The following BICD1 variants were observed in gnomAD, a reference collection of about 807,000 sequenced individuals.
BICD1 encodes the protein protein bicaudal D homolog 1.
Under a neutral mutation model 92.5 loss-of-function variants are expected in BICD1, and 35 were observed. That is an observed-to-expected ratio of 0.38 (90% CI 0.29 to 0.50). The LOEUF (loss-of-function observed/expected upper bound fraction) is 0.50, where lower values mean the gene tolerates loss of function less well. Among genes scored for constraint, BICD1 ranks in the 20% least tolerant of loss-of-function variants. The pLI, the probability that BICD1 is intolerant of heterozygous loss-of-function variation, is 0.93. For missense variants in BICD1, 950 were observed against 1,189.8 expected, an observed-to-expected ratio of 0.80 and a Z score of 2.97; for synonymous variants, 429 against 465.1, an observed-to-expected ratio of 0.92 and a Z score of 1.00.
chr12:32,289,415 C>A (rs1947665724), intron 2 of BICD1, among the ~76,000 whole-genome samples: 1 of 152,162 alleles, frequency 6.6e-6, no homozygotes, highest in South Asian at 2.1e-4. Context: ...TTAAGACAGT[C>A]TTGCTCTGTT....
In BICD1 at chr12:32,234,325, T is replaced by C. The variant is rs182204702; in HGVS notation, c.426+17866T>C. Among the ~76,000 whole-genome samples the C allele has an allele frequency of 2.5e-3, 381 of 152,254 alleles. 1 individual carries two copies. Among genetic ancestry groups the C allele is most frequent in the African/African-American group, 8.9e-3 (369 of 41,570 alleles). On this transcript the variant is annotated intron_variant, in intron 2 of 9. Transcript: ENST00000652176. ...TTAAAAAGCAAAATTAGGCAGGGCG[T>C]GGTGGCTCACGCCTGTAATCCCAGC...
At chr12:32,306,248 T>A in intron 4 of BICD1, 126 bp downstream of exon 4, 1 of 1,065,938 alleles carries the variant, frequency 9.4e-7, no homozygotes, top group Non-Finnish European at 1.3e-6. Flanking sequence ...TCTCTTTTCT[T>A]TTCTGTTCTT....
chr12:32,165,372 C>T (rs1423194745), intron 1 of BICD1, among the ~76,000 whole-genome samples: 1 of 152,014 alleles, frequency 6.6e-6, no homozygotes, highest in Non-Finnish European at 1.5e-5. Flanking sequence ...AAAAATTAGA[C>T]GGGCGTGGTG....
chr12:32,320,936 T>C (rs1948639483), intron 4 of BICD1, among the ~76,000 whole-genome samples: 1 of 152,202 alleles, frequency 6.6e-6, no homozygotes, highest in South Asian at 2.1e-4. Flanking sequence ...TTGGATAAAT[T>C]CTTTACAAAT....
chr12:32,164,145 T>C (rs1218220033), intron 1 of BICD1, among the ~76,000 whole-genome samples: 1 of 152,118 alleles, frequency 6.6e-6, no homozygotes, highest in African/African-American at 2.4e-5. Context: ...CAGCTATAAG[T>C]TGGAGGAGGA....
At position 32,225,810 on chromosome 12, in the gene BICD1, C is replaced by T. The variant is rs143973923; in HGVS notation, c.426+9351C>T. Among the ~76,000 whole-genome samples, 361 of 151,652 alleles carry T rather than the reference C, an allele frequency of 2.4e-3. 4 individuals are homozygous for T. Among genetic ancestry groups the T allele is most frequent in the Middle Eastern group, 0.017 (5 of 294 alleles). On this transcript the variant is annotated intron_variant, in intron 2 of 9. Coordinates refer to ENST00000652176, the MANE Select transcript of BICD1 (RefSeq NM_001714.4). ...TAATTTTTTGTATTTTTAGTAGAGA[C>T]GAGGTTTCGCCATGTTGACCAGGCT... is the stretch of plus-strand genomic sequence containing the variant.
At chr12:32,160,025 A>G (rs544105053) in intron 1 of BICD1, among the ~76,000 whole-genome samples, 1 of 113,568 alleles carries the variant, frequency 8.8e-6, no homozygotes, top group South Asian at 2.9e-4. Context: ...CAAATTTCTC[A>G]CCCACAAAAT....
At chr12:32,348,556 T>C (rs1938715435) in intron 8 of BICD1, among the ~76,000 whole-genome samples, 1 of 151,080 alleles carries the variant, frequency 6.6e-6, no homozygotes, top group Non-Finnish European at 1.5e-5. Flanking sequence ...AGTCCACCCA[T>C]ACATTGCTGA....
intron 1 of BICD1, among the ~76,000 whole-genome samples, chr12:32,208,796 C>T (rs12304056): frequency 0.036 from 5,472 of 152,122 alleles, 333 homozygotes; most frequent in African/African-American, 0.12. Flanking sequence ...TTCATCAGAT[C>T]ATTTGGGCTC....
intron 4 of BICD1, among the ~76,000 whole-genome samples, chr12:32,314,616 T>C (rs964973228): frequency 3.9e-5 from 6 of 152,234 alleles, no homozygotes; most frequent in African/African-American, 1.4e-4. Flanking sequence ...CTGGGTTGTC[T>C]TTTTATTTCT....
chr12:32,201,000 C>T (rs1355773212), intron 1 of BICD1, among the ~76,000 whole-genome samples: 2 of 152,174 alleles, frequency 1.3e-5, no homozygotes, highest in African/African-American at 4.8e-5. Flanking sequence ...TTAAGAAAGT[C>T]GAGGTCATGT....
At chr12:32,125,670 T>C (rs1942301235) in intron 1 of BICD1, among the ~76,000 whole-genome samples, 1 of 152,098 alleles carries the variant, frequency 6.6e-6, no homozygotes, top group Non-Finnish European at 1.5e-5. Flanking sequence ...AACTAGCCCT[T>C]AAATGGAATG....
intron 2 of BICD1, among the ~76,000 whole-genome samples, chr12:32,254,730 A>G (rs142745734): frequency 6.6e-6 from 1 of 152,318 alleles, no homozygotes; most frequent in East Asian, 1.9e-4. Flanking sequence ...GTCTTCTGGA[A>G]TTTAGTGACT....
chr12:32,199,896 T>C (rs1297295363), intron 1 of BICD1, among the ~76,000 whole-genome samples: 2 of 152,170 alleles, frequency 1.3e-5, no homozygotes, highest in Non-Finnish European at 2.9e-5. Context: ...TCCTTTGTTA[T>C]TTTGTTATGC....
intron 1 of BICD1, among the ~76,000 whole-genome samples, chr12:32,152,494 G>C (rs1943317945): frequency 2.0e-5 from 3 of 152,124 alleles, no homozygotes; most frequent in African/African-American, 7.2e-5. Context: ...CCAAAGTGTT[G>C]GGATTACAGG....
chr12:32,137,456 T>C (rs1484242650), intron 1 of BICD1, among the ~76,000 whole-genome samples: 1 of 152,172 alleles, frequency 6.6e-6, no homozygotes, highest in African/African-American at 2.4e-5. Flanking sequence ...CTCAGATACT[T>C]AGTGTAGCAA....
intron 2 of BICD1, among the ~76,000 whole-genome samples, chr12:32,217,661 A>G (rs1412981008): frequency 2.0e-5 from 3 of 152,198 alleles, no homozygotes; most frequent in Non-Finnish European, 2.9e-5. Flanking sequence ...AGTTTTCAGG[A>G]TACCAGGACC....
chr12:32,167,955 T>C (rs1456550991), intron 1 of BICD1, among the ~76,000 whole-genome samples: 1 of 151,934 alleles, frequency 6.6e-6, no homozygotes, highest in Admixed American at 6.6e-5. Context: ...TCCTCATCTT[T>C]GAAAAAGGAA....
intron 8 of BICD1, among the ~76,000 whole-genome samples, chr12:32,360,708 TTGAA>T (rs910473938): frequency 2.6e-5 from 4 of 152,146 alleles, no homozygotes; most frequent in African/African-American, 7.2e-5. Context: ...TCATAACTAA[TTGAA>T]TGATATGTGC....
Sources: allele counts gnomAD v4.1 joint callset (sites outside exome capture counted in the v4.1 genomes callset), GRCh38; gene constraint gnomAD v4.1.1; transcripts MANE v1.5; gene names NCBI Gene and HGNC (gene_info 2026-07-23, HGNC 2026-07-21).